The following ACYP2 variants were observed in gnomAD, a reference collection of about 807,000 sequenced individuals.
ACYP2 encodes acylphosphatase-2.
In ACYP2, 12 loss-of-function variants were observed where a neutral mutation model predicts 11.2. The ratio of observed to expected loss-of-function variants is 1.08; its 90% CI spans 0.69 to 1.74. The LOEUF is 1.74. Ranked by LOEUF, ACYP2 falls within the 40% of genes most tolerant of loss-of-function variation. The pLI is 0.00. For synonymous variants in ACYP2, 43 were observed against 32.2 expected (o/e 1.33, Z -1.13); for missense variants, 134 against 101.9 (o/e 1.31, Z -1.35).
chr2:54,170,325 G>C, intron 6 of ACYP2, among the ~76,000 whole-genome samples: 1 of 151,882 alleles, frequency 6.6e-6, no homozygotes. Context: ...GCTCATTTTT[G>C]TATTATTAGT....
chr2:53,982,289 A>G (rs1671803419), intron 2 of ACYP2, among the ~76,000 whole-genome samples: 1 of 152,178 alleles, frequency 6.6e-6, no homozygotes, highest in Non-Finnish European at 1.5e-5. Flanking sequence ...TTTCCAATCT[A>G]TTTCTTTGTA....
At chr2:54,172,898 AG>A (rs1223619232) in intron 6 of ACYP2, among the ~76,000 whole-genome samples, 1 of 152,214 alleles carries the variant, frequency 6.6e-6, no homozygotes, top group Non-Finnish European at 1.5e-5. Context: ...ATGGCTGCAT[AG>A]TATTCCATGG....
At chr2:54,212,922 T>TTA (rs558190608) in intron 6 of ACYP2, among the ~76,000 whole-genome samples, 4 of 151,832 alleles carry the variant, frequency 2.6e-5, no homozygotes, top group African/African-American at 9.7e-5. Context: ...TTTTTTTTTT[T>TTA]AAATGTCATG....
At chr2:53,974,161 G>T (rs1215062039) in intron 2 of ACYP2, among the ~76,000 whole-genome samples, 23 of 151,596 alleles carry the variant, frequency 1.5e-4, no homozygotes, top group Non-Finnish European at 7.4e-5. Flanking sequence ...TGATCCGCCC[G>T]CCTTGGACTC....
intron 2 of ACYP2, among the ~76,000 whole-genome samples, chr2:54,033,299 G>C (rs1406503635): frequency 6.6e-6 from 1 of 151,660 alleles, no homozygotes; most frequent in Non-Finnish European, 1.5e-5. Flanking sequence ...CCAGGCATGA[G>C]CTATCTTCCG....
At chr2:54,090,078 C>T (rs1362309185) in intron 4 of ACYP2, among the ~76,000 whole-genome samples, 1 of 147,760 alleles carries the variant, frequency 6.8e-6, no homozygotes, top group Non-Finnish European at 1.5e-5. Flanking sequence ...CCAGGAGATG[C>T]AGGTTACAAT....
At chr2:54,151,896 A>G (rs1311512174) in intron 6 of ACYP2, among the ~76,000 whole-genome samples, 1 of 152,140 alleles carries the variant, frequency 6.6e-6, no homozygotes, top group Non-Finnish European at 1.5e-5. Context: ...TACTTAAAAA[A>G]ATTAATAGAC....
chr2:54,209,252 T>C (rs1017326306), intron 6 of ACYP2, among the ~76,000 whole-genome samples: 4 of 152,226 alleles, frequency 2.6e-5, no homozygotes, highest in African/African-American at 9.6e-5. Flanking sequence ...TAATTCCATA[T>C]TGCTTTCTGA....
chr2:54,130,400 G>A (rs1167691594), intron 4 of ACYP2, among the ~76,000 whole-genome samples: 1 of 152,154 alleles, frequency 6.6e-6, no homozygotes, highest in Non-Finnish European at 1.5e-5. Flanking sequence ...ATGAGGTAGA[G>A]GAATTAGGGG....
chr2:54,230,747 T>C (rs1185588021), intron 6 of ACYP2, among the ~76,000 whole-genome samples: 1 of 152,100 alleles, frequency 6.6e-6, no homozygotes, highest in Non-Finnish European at 1.5e-5. Context: ...AACCAGAAGA[T>C]GTTGGAATTT....
intron 4 of ACYP2, among the ~76,000 whole-genome samples, chr2:54,118,643 A>T (rs149512665): frequency 6.6e-5 from 10 of 152,234 alleles, no homozygotes; most frequent in African/African-American, 2.4e-4. Flanking sequence ...TTTTGTGCAC[A>T]TAGTGGTAAC....
chr2:54,093,299 G>A (rs1179180681), intron 4 of ACYP2, among the ~76,000 whole-genome samples: 1 of 152,190 alleles, frequency 6.6e-6, no homozygotes, highest in Non-Finnish European at 1.5e-5. Context: ...ACAACTGCCG[G>A]AAGAACTAAA....
chr2:54,201,682 CTCTCTCTCTCTCTCTCTTTT>C (rs1684834507), intron 6 of ACYP2, among the ~76,000 whole-genome samples: 1 of 110,752 alleles, frequency 9.0e-6, no homozygotes, highest in African/African-American at 3.6e-5. Flanking sequence ...TTCTTTCTTT[CTCTCTCTCTCTCTCTCTTTT>C]TTCTTTTCTT....
chr2:54,229,076 G>A (rs370788354), intron 6 of ACYP2, among the ~76,000 whole-genome samples: 1 of 152,268 alleles, frequency 6.6e-6, no homozygotes, highest in East Asian at 1.9e-4. Flanking sequence ...GAGGCAAACA[G>A]AAGCAAGGGC....
intron 2 of ACYP2, among the ~76,000 whole-genome samples, chr2:54,000,437 C>A (rs572845711): frequency 2.6e-5 from 4 of 152,162 alleles, no homozygotes; most frequent in African/African-American, 9.7e-5. Context: ...AATTACAAGA[C>A]GTTAAATTTG....
intron 6 of ACYP2, among the ~76,000 whole-genome samples, chr2:54,183,143 A>G (rs1683816997): frequency 1.3e-5 from 2 of 152,198 alleles, no homozygotes; most frequent in African/African-American, 2.4e-5. Flanking sequence ...TAAACCTTTC[A>G]TGACTTATAA....
chr2:54,075,705 C>T (rs1266511871), intron 4 of ACYP2, among the ~76,000 whole-genome samples: 1 of 151,750 alleles, frequency 6.6e-6, no homozygotes, highest in Non-Finnish European at 1.5e-5. Flanking sequence ...CCCAGCTACT[C>T]AGAAGGCTGA....
chr2:54,295,962 T>C (rs750283017), intron 6 of ACYP2, among the ~76,000 whole-genome samples: 1 of 152,148 alleles, frequency 6.6e-6, no homozygotes, highest in Non-Finnish European at 1.5e-5. Context: ...AGTTTCACCA[T>C]GTTAGCCAGG....
intron 4 of ACYP2, among the ~76,000 whole-genome samples, chr2:54,084,411 C>G (rs969534173): frequency 6.6e-6 from 1 of 152,204 alleles, no homozygotes; most frequent in African/African-American, 2.4e-5. Context: ...TCTCATGCCT[C>G]AGCTTCCTGA....
Sources: allele counts gnomAD v4.1 joint callset (sites outside exome capture counted in the v4.1 genomes callset), GRCh38; gene constraint gnomAD v4.1.1; transcripts MANE v1.5; gene names NCBI Gene and HGNC (gene_info 2026-07-23, HGNC 2026-07-21).